CWC27: variants seen among roughly 807,000 people sequenced by gnomAD.
The protein encoded by CWC27 is spliceosome-associated protein CWC27 homolog.
CWC27 carries 47 observed loss-of-function variants against 63.6 expected under a neutral mutation model. That is an observed-to-expected ratio of 0.74 (90% CI 0.58 to 0.94). The LOEUF is 0.94. Ranked by LOEUF, CWC27 falls within the 40% of genes least tolerant of loss-of-function variation. The pLI, the probability that CWC27 is intolerant of heterozygous loss-of-function variation, is 0.00. For missense variants in CWC27, 495 were observed against 554.3 expected (o/e 0.89, Z 1.07); for synonymous variants, 175 against 179.8 (o/e 0.97, Z 0.22).
chr5:64,938,721 C>G (rs967170744), intron 11 of CWC27, among the ~76,000 whole-genome samples: 1 of 152,170 alleles, frequency 6.6e-6, no homozygotes, highest in Non-Finnish European at 1.5e-5. Context: ...GTTCCATTCT[C>G]CCCATCACTT....
intron 11 of CWC27, among the ~76,000 whole-genome samples, chr5:64,928,898 T>C (rs1748174686): frequency 6.6e-6 from 1 of 152,006 alleles, no homozygotes; most frequent in Non-Finnish European, 1.5e-5. Context: ...AATTTGATTA[T>C]GTTATTCCAC....
intron 10 of CWC27, among the ~76,000 whole-genome samples, chr5:64,863,082 C>T (rs141481513): frequency 6.6e-6 from 1 of 152,254 alleles, no homozygotes; most frequent in African/African-American, 2.4e-5. Flanking sequence ...TTCAGTATCT[C>T]CTACCCTTTT....
intron 11 of CWC27, among the ~76,000 whole-genome samples, chr5:64,949,069 G>A (rs920976298): frequency 4.6e-5 from 7 of 151,914 alleles, no homozygotes; most frequent in African/African-American, 1.7e-4. Flanking sequence ...TCTCACTTAA[G>A]AGCTTAAGGT....
At chr5:64,779,735 A>G (rs1743595892) in intron 2 of CWC27, among the ~76,000 whole-genome samples, 2 of 152,172 alleles carry the variant, frequency 1.3e-5, no homozygotes, top group Non-Finnish European at 2.9e-5. Flanking sequence ...CTCACCTTGA[A>G]TTGTAAACCC....
intron 10 of CWC27, 83 bp from the exon 11 acceptor site, chr5:64,885,360 T>A: frequency 1.2e-6 from 1 of 834,234 alleles, no homozygotes; most frequent in Non-Finnish European, 1.9e-6. Flanking sequence ...TTCTTAGATG[T>A]AGTATACCAA....
At chr5:64,910,831 G>A (rs1022123873) in intron 11 of CWC27, among the ~76,000 whole-genome samples, 3 of 152,190 alleles carry the variant, frequency 2.0e-5, no homozygotes, top group Non-Finnish European at 4.4e-5. Flanking sequence ...GGGCAGGAGT[G>A]TCCCATTTTT....
chr5:64,925,582 G>C (rs1049310965), intron 11 of CWC27, among the ~76,000 whole-genome samples: 11 of 152,172 alleles, frequency 7.2e-5, no homozygotes, highest in African/African-American at 2.7e-4. Flanking sequence ...CCAGTGCTGA[G>C]TCACGTGCCA....
chr5:64,943,070 A>G (rs1279551573), intron 11 of CWC27, among the ~76,000 whole-genome samples: 2 of 152,240 alleles, frequency 1.3e-5, no homozygotes, highest in East Asian at 3.8e-4. Context: ...AATGTTTAAA[A>G]CAGGGCATCA....
At chr5:64,861,010 G>A (rs1192543591) in intron 10 of CWC27, among the ~76,000 whole-genome samples, 1 of 152,102 alleles carries the variant, frequency 6.6e-6, no homozygotes, top group Non-Finnish European at 1.5e-5. Context: ...CAATATCTGG[G>A]ACCTTAGTTG....
chr5:64,953,370 C>T (rs1235439006), intron 11 of CWC27, among the ~76,000 whole-genome samples: 1 of 152,120 alleles, frequency 6.6e-6, no homozygotes, highest in African/African-American at 2.4e-5. Context: ...GAGACAGACT[C>T]AAACCTTCAC....
At chr5:64,774,809 T>C in intron 2 of CWC27, 22 bp downstream of exon 2, 5 of 1,309,848 alleles carry the variant, frequency 3.8e-6, no homozygotes, top group Non-Finnish European at 5.4e-6. Flanking sequence ...TTTATTCTAC[T>C]GGAGAAATTC....
chr5:64,963,315 A>G (rs906905200), intron 11 of CWC27, among the ~76,000 whole-genome samples: 2 of 152,184 alleles, frequency 1.3e-5, no homozygotes, highest in African/African-American at 4.8e-5. Flanking sequence ...TTAAGGCAAT[A>G]AAAAAGAGTA....
intron 11 of CWC27, among the ~76,000 whole-genome samples, chr5:64,958,266 T>A (rs1303665777): frequency 6.6e-6 from 1 of 152,184 alleles, no homozygotes; most frequent in Non-Finnish European, 1.5e-5. Context: ...ATGAAGCATA[T>A]GTGCAGTGAG....
At chr5:64,786,939 G>A (rs1403841439) in intron 6 of CWC27, among the ~76,000 whole-genome samples, 1 of 152,188 alleles carries the variant, frequency 6.6e-6, no homozygotes, top group Non-Finnish European at 1.5e-5. Context: ...AATTTCACAT[G>A]GCTAGGGAGG....
intron 7 of CWC27, among the ~76,000 whole-genome samples, chr5:64,797,708 T>A (rs971137726): frequency 1.3e-5 from 2 of 152,212 alleles, no homozygotes; most frequent in African/African-American, 2.4e-5. Flanking sequence ...CCTCACATGC[T>A]TATCATTTCT....
At chr5:64,993,427 A>G (rs1316800595) in intron 13 of CWC27, among the ~76,000 whole-genome samples, 2 of 152,190 alleles carry the variant, frequency 1.3e-5, no homozygotes, top group Non-Finnish European at 2.9e-5. Context: ...TAAATTTGCT[A>G]GTGGTACTAG....
At chr5:64,996,009 A>G (rs1749624652) in intron 13 of CWC27, among the ~76,000 whole-genome samples, 1 of 152,244 alleles carries the variant, frequency 6.6e-6, no homozygotes, top group Non-Finnish European at 1.5e-5. Context: ...AGTAATGGAA[A>G]AGATCACATG....
chr5:64,917,039 C>T (rs906866371), intron 11 of CWC27, among the ~76,000 whole-genome samples: 3 of 151,936 alleles, frequency 2.0e-5, no homozygotes, highest in Non-Finnish European at 2.9e-5. Context: ...ATGTTGTCAC[C>T]CTTTTTACCC....
At chr5:64,813,609 T>G (rs1744947156) in intron 10 of CWC27, among the ~76,000 whole-genome samples, 2 of 152,170 alleles carry the variant, frequency 1.3e-5, no homozygotes, top group African/African-American at 4.8e-5. Context: ...CTGCATCAGT[T>G]TATAGGGAAT....
Sources: allele counts gnomAD v4.1 joint callset (sites outside exome capture counted in the v4.1 genomes callset), GRCh38; gene constraint gnomAD v4.1.1; transcripts MANE v1.5; gene names NCBI Gene and HGNC (gene_info 2026-07-23, HGNC 2026-07-21).